The following ASB4 variants were observed in gnomAD, a reference collection of about 807,000 sequenced individuals.
ASB4 encodes ankyrin repeat and SOCS box protein 4.
Under a neutral mutation model 38.6 loss-of-function variants are expected in ASB4, and 35 were observed. That is an observed-to-expected ratio of 0.91 (90% CI 0.69 to 1.20). ASB4 has a LOEUF of 1.20. Among genes scored for constraint, ASB4 ranks in the 50% most tolerant of loss-of-function variants. The probability of loss-of-function intolerance (pLI) is 0.00; values close to 1 mark genes in which losing one functional copy is unlikely to be tolerated. For synonymous variants in ASB4, 195 were observed against 201.3 expected (o/e 0.97, Z 0.26); for missense variants, 557 against 527.2 (o/e 1.06, Z -0.55).
intron 3 of ASB4, among the ~76,000 whole-genome samples, chr7:95,533,969 C>T (rs542174491): frequency 7.9e-5 from 12 of 152,306 alleles, no homozygotes; most frequent in African/African-American, 2.9e-4. Context: ...AACTTCATGG[C>T]TTCTGCCAGC....
At chr7:95,519,363 T>G (rs1258190514) in intron 2 of ASB4, among the ~76,000 whole-genome samples, 1 of 152,228 alleles carries the variant, frequency 6.6e-6, no homozygotes, top group Non-Finnish European at 1.5e-5. Flanking sequence ...TAATAGATGT[T>G]TCTAAATAAT....
intron 2 of ASB4, among the ~76,000 whole-genome samples, chr7:95,509,795 C>T (rs2116613854): frequency 6.6e-6 from 1 of 152,208 alleles, no homozygotes; most frequent in East Asian, 1.9e-4. Context: ...TTCATTTAAT[C>T]CTTGCAACAA....
At chr7:95,499,006 C>A (rs1392335259) in intron 2 of ASB4, among the ~76,000 whole-genome samples, 6 of 152,026 alleles carry the variant, frequency 3.9e-5, no homozygotes, top group African/African-American at 1.4e-4. Flanking sequence ...ACCTATATAT[C>A]TTTTTATTTT....
At chr7:95,547,147 AT>A in the ASB4 span, among the ~76,000 whole-genome samples, 1 of 152,212 alleles carries the variant, frequency 6.6e-6, no homozygotes, top group Non-Finnish European at 1.5e-5. Flanking sequence ...TTAAGGTAAA[AT>A]TTACCAATAG....
intron 2 of ASB4, among the ~76,000 whole-genome samples, chr7:95,513,305 G>GTGTA (rs1437835953): frequency 7.4e-6 from 1 of 134,300 alleles, no homozygotes; most frequent in Non-Finnish European, 1.6e-5. Flanking sequence ...GTGTGTGTGT[G>GTGTA]TGTGTGTGTG....
intron 2 of ASB4, among the ~76,000 whole-genome samples, chr7:95,517,855 A>G (rs2116629195): frequency 6.6e-6 from 1 of 152,252 alleles, no homozygotes; most frequent in South Asian, 2.1e-4. Flanking sequence ...ATAGAAAGAA[A>G]TTGGAGGTTA....
chr7:95,547,893 G>A, the ASB4 span, among the ~76,000 whole-genome samples: 1 of 152,144 alleles, frequency 6.6e-6, no homozygotes, highest in African/African-American at 2.4e-5. Flanking sequence ...GGCTTCCCCT[G>A]CAGATTTCAA....
chr7:95,498,665 G>C (rs1790285896), intron 2 of ASB4, among the ~76,000 whole-genome samples: 1 of 152,098 alleles, frequency 6.6e-6, no homozygotes, highest in South Asian at 2.1e-4. Context: ...TTTCCTAACA[G>C]TATCTTTCAA....
At chr7:95,477,735 C>CTT (rs34231561), upstream of ASB4, among the ~76,000 whole-genome samples, 323 of 142,494 alleles carry the variant, frequency 2.3e-3, 3 homozygotes, top group African/African-American at 7.7e-3. Flanking sequence ...TAACAAGAAC[C>CTT]TTTTTTTTTT....
intron 2 of ASB4, among the ~76,000 whole-genome samples, chr7:95,502,879 G>T (rs768976493): frequency 6.6e-6 from 1 of 152,040 alleles, no homozygotes; most frequent in South Asian, 2.1e-4. Flanking sequence ...TGCCCTCAGA[G>T]AGTCATTTAT....
chr7:95,546,671 T>C, the ASB4 span, among the ~76,000 whole-genome samples: 5 of 152,164 alleles, frequency 3.3e-5, no homozygotes, highest in African/African-American at 9.7e-5. Context: ...TTAGAGTTGA[T>C]AGGCAAGGTG....
rs771336747 is a variant in ASB4, at chr7:95,527,987, G to A, written c.662G>A (p.Arg221His). ...PLAIAAYWAL[R>H]FKEQEYSTEH... ...GCCATCGCCGCCTACTGGGCCCTCC[G>A]CTTTAAGGAGCAGGAGTACAGCACG... The change falls in exon 3 of 5, where the codon CGC becomes CAC. Residue 221 changes from arginine to histidine, a missense_variant. Arg to His is a conservative substitution (Grantham distance 29). Coordinates refer to ENST00000325885, the MANE Select transcript of ASB4 (RefSeq NM_016116.3). 4.3e-6 allele frequency: 7 copies of A among 1,613,954 alleles called. No individual in the cohort carries two copies. Among genetic ancestry groups the A allele is most frequent in the African/African-American group, 2.7e-5 (2 of 74,904 alleles).
intron 2 of ASB4, among the ~76,000 whole-genome samples, chr7:95,497,849 C>T (rs2116593592): frequency 6.6e-6 from 1 of 152,262 alleles, no homozygotes; most frequent in Admixed American, 6.5e-5. Context: ...CATATGGTTG[C>T]ATGGACCAAT....
chr7:95,474,035 T>C (rs1789951161), upstream of ASB4: 1 of 152,216 alleles, frequency 6.6e-6, no homozygotes, highest in Admixed American at 6.5e-5. Context: ...TGAATCTCGA[T>C]CTTTTCTGTA....
At chr7:95,510,126 T>TAA (rs150813202) in intron 2 of ASB4, among the ~76,000 whole-genome samples, 29 of 149,476 alleles carry the variant, frequency 1.9e-4, no homozygotes, top group African/African-American at 5.6e-4. Context: ...AGGCTTTTCT[T>TAA]AAAAAAAAAA....
At chr7:95,540,667 A>G (rs999781519), downstream of ASB4, among the ~76,000 whole-genome samples, 2 of 152,184 alleles carry the variant, frequency 1.3e-5, no homozygotes, top group African/African-American at 4.8e-5. Context: ...GAAAAAAACA[A>G]TCTCTCTTCT....
chr7:95,495,306 GA>G (rs1016677909), intron 1 of ASB4, among the ~76,000 whole-genome samples: 64 of 152,142 alleles, frequency 4.2e-4, no homozygotes, highest in African/African-American at 1.5e-3. Flanking sequence ...ATTTTGGATA[GA>G]ATAAAAATTA....
intron 2 of ASB4, among the ~76,000 whole-genome samples, chr7:95,515,251 C>CTTTTT (rs1562817128): frequency 1.0e-5 from 1 of 98,492 alleles, no homozygotes; most frequent in African/African-American, 3.9e-5. Context: ...TTCTTTCTTT[C>CTTTTT]CTTCTTTCTT....
At chr7:95,481,585 A>G (rs1403738090), upstream of ASB4, among the ~76,000 whole-genome samples, 1 of 152,184 alleles carries the variant, frequency 6.6e-6, no homozygotes, top group African/African-American at 2.4e-5. Context: ...CTATGGTTGC[A>G]TTTGATAAGT....
Sources: allele counts gnomAD v4.1 joint callset (sites outside exome capture counted in the v4.1 genomes callset), GRCh38; gene constraint gnomAD v4.1.1; transcripts MANE v1.5; gene names NCBI Gene and HGNC (gene_info 2026-07-23, HGNC 2026-07-21).